Variants in NXPH1 observed in about 807,000 individuals in gnomAD.
NXPH1 encodes the protein neurexophilin 1.
A neutral mutation model predicts 23.7 loss-of-function variants in NXPH1; 5 were observed. That is an observed-to-expected ratio of 0.21 (90% confidence interval 0.11 to 0.44). NXPH1 has a LOEUF of 0.44. Ranked by LOEUF, NXPH1 falls within the 20% of genes least tolerant of loss-of-function variation. The pLI, the probability that NXPH1 is intolerant of heterozygous loss-of-function variation, is 0.99. For synonymous variants in NXPH1, 144 were observed against 122.2 expected (o/e 1.18, Z -1.18); for missense variants, 324 against 321.6 (o/e 1.01, Z -0.06).
chr7:8,585,055 T>C (rs1461761932), intron 2 of NXPH1, among the ~76,000 whole-genome samples: 1 of 152,234 alleles, frequency 6.6e-6, no homozygotes. Context: ...GTCAGTAGTG[T>C]TCAAAGTCTG....
At chr7:8,469,987 C>G (rs999111631) in intron 2 of NXPH1, among the ~76,000 whole-genome samples, 4 of 152,156 alleles carry the variant, frequency 2.6e-5, no homozygotes, top group African/African-American at 9.6e-5. Context: ...CCCTCTCATT[C>G]TACTAAACTG....
At chr7:8,514,752 G>A (rs950249777) in intron 2 of NXPH1, among the ~76,000 whole-genome samples, 1 of 152,002 alleles carries the variant, frequency 6.6e-6, no homozygotes, top group Non-Finnish European at 1.5e-5. Flanking sequence ...TTTTTAAATT[G>A]CATGCTATTC....
intron 2 of NXPH1, among the ~76,000 whole-genome samples, chr7:8,697,725 A>T (rs112798466): frequency 6.6e-6 from 1 of 152,210 alleles, no homozygotes; most frequent in African/African-American, 2.4e-5. Context: ...ATTTAGGTGA[A>T]GAAGTCAGGT....
chr7:8,687,723 A>T (rs914751647), intron 2 of NXPH1, among the ~76,000 whole-genome samples: 1 of 152,184 alleles, frequency 6.6e-6, no homozygotes, highest in Non-Finnish European at 1.5e-5. Context: ...CAATATGATG[A>T]TATCTGTACA....
chr7:8,644,415 C>G (rs1820363310), intron 2 of NXPH1, among the ~76,000 whole-genome samples: 1 of 152,116 alleles, frequency 6.6e-6, no homozygotes, highest in South Asian at 2.1e-4. Context: ...CAATGGCTTT[C>G]TCTCAGGCCT....
At chr7:8,609,513 A>C (rs143771305) in intron 2 of NXPH1, among the ~76,000 whole-genome samples, 200 of 152,286 alleles carry the variant, frequency 1.3e-3, no homozygotes, top group Middle Eastern at 3.4e-3. Flanking sequence ...AACTGAGATT[A>C]TGACTGTGAC....
At chr7:8,469,454 C>A (rs1002933421) in intron 2 of NXPH1, among the ~76,000 whole-genome samples, 1 of 152,054 alleles carries the variant, frequency 6.6e-6, no homozygotes, top group Non-Finnish European at 1.5e-5. Flanking sequence ...CAACTAGGAT[C>A]TAATGACAGA....
At chr7:8,670,051 G>T (rs116063186) in intron 2 of NXPH1, among the ~76,000 whole-genome samples, 2,791 of 152,286 alleles carry the variant, frequency 0.018, 93 homozygotes, top group African/African-American at 0.063. Flanking sequence ...TTATAAACAA[G>T]TATTGGAATT....
rs1818706651 is a variant in NXPH1 at position 8,574,178 on chromosome 7, T to C, written c.54+138411T>C. Among the ~76,000 whole-genome samples, 3 of 152,176 alleles carry C rather than the reference T, an allele frequency of 2.0e-5. No homozygotes were observed. In the South Asian group the frequency reaches 6.2e-4, roughly 31 times the overall value. On this transcript the variant is annotated intron_variant, in intron 2 of 2. Transcript: ENST00000405863. Reference sequence around the variant, plus strand: ...CGGTTTGCACCTTTTCCCTAAGTGTTCTGTTTGTCTATGACATGAAATATT... The same window carrying C: ...CGGTTTGCACCTTTTCCCTAAGTGTCCTGTTTGTCTATGACATGAAATATT...
At chr7:8,691,558 A>AT (rs943982575) in intron 2 of NXPH1, among the ~76,000 whole-genome samples, 3 of 152,236 alleles carry the variant, frequency 2.0e-5, no homozygotes, top group African/African-American at 4.8e-5. Flanking sequence ...ATAATAAAAT[A>AT]TTTTTTGCTA....
intron 2 of NXPH1, among the ~76,000 whole-genome samples, chr7:8,679,749 G>A (rs1350512125): frequency 1.3e-5 from 2 of 152,206 alleles, no homozygotes; most frequent in African/African-American, 2.4e-5. Flanking sequence ...TAGGCTGGGC[G>A]CAGTGGCTCA....
intron 2 of NXPH1, among the ~76,000 whole-genome samples, chr7:8,641,483 T>A (rs904215956): frequency 6.6e-6 from 1 of 152,138 alleles, no homozygotes; most frequent in African/African-American, 2.4e-5. Context: ...ATTTTAAACA[T>A]TTATCAGCCT....
At chr7:8,448,943 G>C (rs891673257) in intron 2 of NXPH1, among the ~76,000 whole-genome samples, 1 of 152,064 alleles carries the variant, frequency 6.6e-6, no homozygotes, top group Non-Finnish European at 1.5e-5. Flanking sequence ...GAATCCTTGT[G>C]ATGTTTTAAT....
At chr7:8,540,014 C>T (rs537266598) in intron 2 of NXPH1, among the ~76,000 whole-genome samples, 1 of 151,742 alleles carries the variant, frequency 6.6e-6, no homozygotes, top group African/African-American at 2.4e-5. Context: ...TTTTGATAGT[C>T]TCATTTAGTG....
chr7:8,568,036 T>A (rs1185727492), intron 2 of NXPH1, among the ~76,000 whole-genome samples: 1 of 151,888 alleles, frequency 6.6e-6, no homozygotes, highest in Non-Finnish European at 1.5e-5. Context: ...CGAGTCTTTT[T>A]TCAACGTCCC....
intron 2 of NXPH1, among the ~76,000 whole-genome samples, chr7:8,730,346 A>G (rs1583250090): frequency 6.7e-6 from 1 of 148,194 alleles, no homozygotes; most frequent in South Asian, 2.2e-4. Context: ...TTACATTTAA[A>G]GTTAATATTG....
chr7:8,723,266 A>G (rs1779997588), intron 2 of NXPH1, among the ~76,000 whole-genome samples: 1 of 152,228 alleles, frequency 6.6e-6, no homozygotes, highest in South Asian at 2.1e-4. Flanking sequence ...AAATGCTCCC[A>G]GAAAGTTTGG....
At chr7:8,668,611 C>T (rs1820818643) in intron 2 of NXPH1, among the ~76,000 whole-genome samples, 1 of 151,676 alleles carries the variant, frequency 6.6e-6, no homozygotes, top group Non-Finnish European at 1.5e-5. Flanking sequence ...CTTGGGTCCA[C>T]AAAGGCTGAT....
At chr7:8,614,895 A>G (rs1350305273) in intron 2 of NXPH1, among the ~76,000 whole-genome samples, 2 of 152,074 alleles carry the variant, frequency 1.3e-5, no homozygotes, top group Non-Finnish European at 1.5e-5. Context: ...CCTCAAAGTA[A>G]CACTAAATTA....
Sources: gnomAD v4.1 joint callset for allele counts (sites outside exome capture counted in the v4.1 genomes callset) on GRCh38, gnomAD v4.1.1 for gene constraint, MANE v1.5 for transcripts, NCBI Gene and HGNC (gene_info 2026-07-23, HGNC 2026-07-21) for gene names.